Variants in BRD9 observed in about 807,000 individuals in gnomAD.
BRD9 encodes bromodomain-containing protein 9.
A neutral mutation model predicts 68.7 loss-of-function variants in BRD9; 47 were observed. The observed-to-expected ratio is 0.68, with a 90% CI of 0.54 to 0.87. BRD9 has a LOEUF of 0.87. Among genes scored for constraint, BRD9 ranks in the 40% least tolerant of loss-of-function variants. The pLI is 0.00. For synonymous variants in BRD9, 313 were observed against 293.9 expected (o/e 1.06, Z -0.67); for missense variants, 670 against 748.4 (o/e 0.90, Z 1.22).
intron 8 of BRD9, chr5:883,161 C>G: frequency 2.7e-6 from 1 of 369,660 alleles, no homozygotes; most frequent in South Asian, 2.0e-5. Flanking sequence ...CCAGCAGGCA[C>G]AGGCAAAAAG....
intron 12 of BRD9, among the ~76,000 whole-genome samples, chr5:875,566 T>C (rs1029086959): frequency 6.6e-6 from 1 of 152,178 alleles, no homozygotes; most frequent in Non-Finnish European, 1.5e-5. Flanking sequence ...GCCAGGATGG[T>C]CTCGACCTCC....
Position 891,849 on chromosome 5 carries a change from C to A in BRD9, c.58G>T (p.Ala20Ser). The A allele has an allele frequency of 1.3e-6, 2 of 1,550,624 alleles. No homozygotes were observed. The highest frequency in any genetic ancestry group is 2.4e-5 in the South Asian group (2 of 84,040). The change falls in exon 2 of 16, where the codon GCC becomes TCC. Residue 20 changes from alanine to serine, a missense_variant. Ala to Ser is a moderately conservative substitution (Grantham distance 99). Transcript: ENST00000467963. ...AEWRSSYEDY[A>S]DKPLEKPLKL... ...AGAGGCTTCTCCAGGGGCTTGTCGG[C>A]ATAATCTGCACAGACACAGACCGAG... is the stretch of plus-strand genomic sequence containing the variant.
In BRD9 at chr5:865,481, G is replaced by A. The variant is rs564375662; in HGVS notation, c.1626C>T (p.Gly542=). Reference sequence around the variant, plus strand: ...TGAGGTTGGACGACGGCCGAGAGCCGCCGCGCTCCGCCTGTGCTTCGTGCA... The same window carrying A: ...TGAGGTTGGACGACGGCCGAGAGCCACCGCGCTCCGCCTGTGCTTCGTGCA... ...QDLHEAQAER[G]GSRPSSNLSS... The change falls in exon 15 of 16, where the codon GGC becomes GGT. Residue 542 remains glycine, a synonymous_variant. Transcript: ENST00000467963. 32 of 1,601,602 alleles carry A rather than the reference G, an allele frequency of 2.0e-5. No individual in the cohort carries two copies. The highest frequency in any genetic ancestry group is 1.2e-4 in the African/African-American group (9 of 74,924).
intron 5 of BRD9, among the ~76,000 whole-genome samples, chr5:888,757 C>T (rs1039929451): frequency 2.6e-5 from 4 of 152,232 alleles, no homozygotes; most frequent in African/African-American, 9.6e-5. Context: ...ACAACATGTC[C>T]TATTTACGCC....
intron 14 of BRD9, chr5:869,028 T>C (rs1749762443): frequency 3.8e-6 from 1 of 260,432 alleles, no homozygotes; most frequent in Non-Finnish European, 7.5e-6. Context: ...GGTCTGTGCT[T>C]CCGACTAACC....
chr5:891,129 G>T (rs756141151), intron 3 of BRD9, 26 bp downstream of exon 3: 6 of 1,536,926 alleles, frequency 3.9e-6, no homozygotes, highest in Non-Finnish European at 5.3e-6. Flanking sequence ...TGAACACCAG[G>T]AGAGTCTCTA....
At chr5:891,590 C>G in intron 2 of BRD9, 50 bp downstream of exon 2, 1 of 1,537,900 alleles carries the variant, frequency 6.5e-7, no homozygotes. Context: ...ACCAGGCTCC[C>G]CACGGGCTCC....
At chr5:881,049 C>A (rs527848387) in intron 9 of BRD9, 58 bp downstream of exon 9, 1 of 1,541,134 alleles carries the variant, frequency 6.5e-7, no homozygotes, top group East Asian at 2.3e-5. Flanking sequence ...AGAATATCAA[C>A]GGAGGCCCAA....
intron 14 of BRD9, chr5:869,098 C>T (rs1749771028): frequency 3.3e-6 from 1 of 299,598 alleles, no homozygotes. Context: ...CCTAGAGTGA[C>T]TCACAGAAGT....
intron 7 of BRD9, among the ~76,000 whole-genome samples, 183 bp from the exon 8 acceptor site, chr5:884,253 A>C (rs1752228019): frequency 6.6e-6 from 1 of 152,264 alleles, no homozygotes; most frequent in African/African-American, 2.4e-5. Context: ...TGACAAATTA[A>C]GACACTTTTA....
In BRD9 at chr5:865,532, A is replaced by T. The variant is rs1749260585; in HGVS notation, c.1575T>A (p.Asp525Glu). The change falls in exon 15 of 16, where the codon GAT (aspartate) becomes GAA (glutamate). Residue 525 changes from aspartate (D) to glutamate (E), a missense_variant. Around this residue, in one of 5 missense-constraint regions of BRD9, gnomAD observed 280 missense variants for 281.5 expected, o/e 0.99. Transcript: ENST00000467963. ...GGTCCTGCAGGAGCTTCGTCGTCTCATCCAAGTTCAAATGGCTGTCGTCAG... is the reference window on the plus strand; with the variant it reads ...GGTCCTGCAGGAGCTTCGTCGTCTCTTCCAAGTTCAAATGGCTGTCGTCAG... ...LDPDDSHLNL[D>E]ETTKLLQDLH... The T allele has an allele frequency of 6.2e-7, 1 of 1,606,344 alleles. No homozygotes were observed. The highest frequency in any genetic ancestry group is 1.1e-5 in the South Asian group (1 of 91,020).
chr5:870,670 G>T, intron 13 of BRD9, 95 bp from the exon 14 acceptor site: 1 of 886,546 alleles, frequency 1.1e-6, no homozygotes, highest in Non-Finnish European at 1.8e-6. Flanking sequence ...CTAATTATTT[G>T]CTAAACGTGA....
intron 3 of BRD9, 185 bp from the exon 4 acceptor site, chr5:889,832 C>CA (rs542430615): frequency 1.5e-4 from 193 of 1,294,322 alleles, no homozygotes; most frequent in Non-Finnish European, 2.0e-4. Flanking sequence ...GTAGAAAGGG[C>CA]ACCCCCACAG....
intron 14 of BRD9, among the ~76,000 whole-genome samples, chr5:870,017 T>C (rs1371847591): frequency 6.6e-6 from 1 of 152,248 alleles, no homozygotes; most frequent in Non-Finnish European, 1.5e-5. Context: ...GGCTGACATT[T>C]ACCCATTTAT....
At position 864,456 on chromosome 5, in the gene BRD9, G is replaced by C; in HGVS notation, c.*12C>G. The C allele has an allele frequency of 6.4e-7, 1 of 1,568,402 alleles. No homozygotes were observed. On this transcript the variant is annotated 3_prime_UTR_variant, in exon 16 of 16. Transcript: ENST00000467963. Reference sequence around the variant, plus strand: ...AAAAAAATAAAATAAAAGAGCTGAAGGTGGTCTAGAGTTAGGTCTTGGCAG... The same window carrying C: ...AAAAAAATAAAATAAAAGAGCTGAACGTGGTCTAGAGTTAGGTCTTGGCAG...
intron 8 of BRD9, 125 bp from the exon 9 acceptor site, chr5:881,307 G>C: frequency 2.2e-6 from 2 of 895,212 alleles, no homozygotes; most frequent in Non-Finnish European, 3.5e-6. Flanking sequence ...AAACGCCAGA[G>C]GGCCCCTCAC....
chr5:886,725 C>T lies in BRD9; in HGVS notation c.718-18G>A, dbSNP rs1752625648. 6.2e-7 allele frequency: 1 copy of T among 1,614,034 alleles called. No individual in the cohort carries two copies. The highest frequency in any genetic ancestry group is 8.5e-7 in the Non-Finnish European group (1 of 1,179,968). On this transcript the variant is annotated intron_variant, in intron 6 of 15. Coordinates refer to ENST00000467963, the MANE Select transcript of BRD9 (RefSeq NM_023924.5). Reference sequence around the variant, plus strand: ...GCTGCCTGCTGAGAAAAATCCATGTCCTGCATAAACGACATGCTGCGCTTC... The same window carrying T: ...GCTGCCTGCTGAGAAAAATCCATGTTCTGCATAAACGACATGCTGCGCTTC...
At position 892,720 on chromosome 5, in the gene BRD9, G is replaced by A. The variant is rs1039450117; in HGVS notation, c.-63C>T. The A allele has an allele frequency of 3.9e-6, 5 of 1,288,486 alleles. No homozygotes were observed. The highest frequency in any genetic ancestry group is 1.6e-5 in the African/African-American group (1 of 64,100). The allele number at this position is 1,288,486 out of a possible 1,614,324, so 79.8% of individuals were successfully genotyped here. The stretch of plus-strand genomic sequence containing the variant: ...ACAGCTGGCACCCGGTCGGACCTTG[G>A]CCGCCACCGCCCCCTGGCCCTGGCT... On this transcript the variant is annotated 5_prime_UTR_variant, in exon 1 of 16. Transcript: ENST00000467963.
At chr5:891,929 G>A (rs1276665672) in intron 1 of BRD9, 75 bp from the exon 2 acceptor site, 8 of 1,530,928 alleles carry the variant, frequency 5.2e-6, no homozygotes, top group Non-Finnish European at 6.1e-6. Flanking sequence ...ACGTGAAGGT[G>A]CTAAGAGGGA....
Sources: allele counts gnomAD v4.1 joint callset (sites outside exome capture counted in the v4.1 genomes callset), GRCh38; gene constraint gnomAD v4.1.1; regional missense constraint gnomAD v4.1.1; transcripts MANE v1.5; gene names NCBI Gene and HGNC (gene_info 2026-07-23, HGNC 2026-07-21).